The following FNDC1 variants were observed in gnomAD, a reference collection of about 807,000 sequenced individuals.
FNDC1 encodes the protein fibronectin type III domain-containing protein 1.
FNDC1 carries 96 observed loss-of-function variants against 168.0 expected under a neutral mutation model. The ratio of observed to expected loss-of-function variants is 0.57; its 90% CI spans 0.48 to 0.68. The LOEUF (loss-of-function observed/expected upper bound fraction) is 0.68. Ranked by LOEUF, FNDC1 falls within the 30% of genes least tolerant of loss-of-function variation. FNDC1 has a pLI of 0.00. For missense variants in FNDC1, 2,587 were observed against 2,482.1 expected, an observed-to-expected ratio of 1.04 and a Z score of -0.90; for synonymous variants, 1,099 against 1,025.9, an observed-to-expected ratio of 1.07 and a Z score of -1.36.
intron 1 of FNDC1, among the ~76,000 whole-genome samples, chr6:159,186,435 G>A (rs988752763): frequency 4.6e-5 from 7 of 152,172 alleles, no homozygotes; most frequent in South Asian, 2.1e-4. Context: ...TGCCCTCATC[G>A]TGCAATGGTG....
At chr6:159,211,583 C>A (rs994343591) in intron 4 of FNDC1, among the ~76,000 whole-genome samples, 2 of 151,832 alleles carry the variant, frequency 1.3e-5, no homozygotes, top group Non-Finnish European at 2.9e-5. Context: ...TTTTTTAGTG[C>A]CCCTGTATGC....
chr6:159,223,615 T>C lies in FNDC1; in HGVS notation c.854T>C (p.Leu285Pro). The change falls in exon 7 of 23, where the codon CTG (leucine) becomes CCG (proline). Residue 285 changes from leucine (L) to proline (P), a missense_variant. Transcript: ENST00000297267. ...CTTGTGTCCTGGGTGGATCCTGTTCTGGAAAAACAGAAGAAAGTTGTTGCA... is the reference window on the plus strand; with the variant it reads ...CTTGTGTCCTGGGTGGATCCTGTTCCGGAAAAACAGAAGAAAGTTGTTGCA... ...SVLVSWVDPV[L>P]EKQKKVVASR... 4 of 1,612,980 alleles carry C rather than the reference T, an allele frequency of 2.5e-6. 1 individual carries two copies. In the South Asian group the frequency reaches 4.4e-5, roughly 18 times the overall value.
chr6:159,191,395 T>C (rs1472542476), intron 1 of FNDC1, among the ~76,000 whole-genome samples: 7 of 152,368 alleles, frequency 4.6e-5, no homozygotes, highest in African/African-American at 1.7e-4. Flanking sequence ...AAATGGATTT[T>C]TAGTTACTTG....
chr6:159,213,224 T>A (rs1485746300), intron 4 of FNDC1, among the ~76,000 whole-genome samples: 1 of 152,158 alleles, frequency 6.6e-6, no homozygotes, highest in Admixed American at 6.5e-5. Flanking sequence ...AAAGCTGTTG[T>A]CCCTGCTGTT....
At chr6:159,264,036 G>A (rs568144049) in intron 19 of FNDC1, among the ~76,000 whole-genome samples, 1 of 152,348 alleles carries the variant, frequency 6.6e-6, no homozygotes, top group South Asian at 2.1e-4. Context: ...CTTAAGTGGT[G>A]TTACTTGGGC....
intron 21 of FNDC1, among the ~76,000 whole-genome samples, chr6:159,267,395 C>T (rs1054034863): frequency 1.3e-5 from 2 of 152,096 alleles, no homozygotes; most frequent in Admixed American, 6.6e-5. Flanking sequence ...GCCACAGGCC[C>T]GCCCCCTCCT....
At chr6:159,220,512 A>G (rs1469810460) in intron 5 of FNDC1, among the ~76,000 whole-genome samples, 1 of 152,188 alleles carries the variant, frequency 6.6e-6, no homozygotes, top group Non-Finnish European at 1.5e-5. Flanking sequence ...GCAATTTTGG[A>G]TTCAGGATAG....
At chr6:159,187,347 C>T (rs954611155) in intron 1 of FNDC1, among the ~76,000 whole-genome samples, 2 of 152,136 alleles carry the variant, frequency 1.3e-5, no homozygotes, top group African/African-American at 4.8e-5. Flanking sequence ...GTTCCTCTGA[C>T]CTGACAAAGC....
intron 18 of FNDC1, among the ~76,000 whole-genome samples, chr6:159,257,802 A>T (rs294887): frequency 6.6e-6 from 1 of 152,006 alleles, no homozygotes; most frequent in Non-Finnish European, 1.5e-5. Context: ...GAAACTGAGA[A>T]AGCACTTTTT....
At chr6:159,223,745 A>G (rs1451406198) in intron 7 of FNDC1, 100 bp downstream of exon 7, 2 of 681,296 alleles carry the variant, frequency 2.9e-6, no homozygotes, top group East Asian at 5.5e-5. Flanking sequence ...ACTTACATGA[A>G]TGCTGGTCTC....
In FNDC1 at chr6:159,271,594, A is replaced by C; in HGVS notation, c.*152A>C. On this transcript the variant is annotated 3_prime_UTR_variant, in exon 23 of 23. Transcript: ENST00000297267. Reference sequence around the variant, plus strand: ...GGACACTGGCCATTCTGGTCATCTCAGTCTGGAACTCAGTCCCACTTCTTG... The same window carrying C: ...GGACACTGGCCATTCTGGTCATCTCCGTCTGGAACTCAGTCCCACTTCTTG... 1 of 605,076 alleles carries C rather than the reference A, an allele frequency of 1.7e-6. No individual in the cohort carries two copies. The allele number at this position is 605,076 out of a possible 1,614,324, so 37.5% of individuals were successfully genotyped here.
chr6:159,230,135 A>G (rs146893088), intron 10 of FNDC1, 132 bp downstream of exon 10: 1 of 706,874 alleles, frequency 1.4e-6, no homozygotes, highest in East Asian at 2.9e-5. Context: ...TTGCATATTG[A>G]TTTTTAAAAT....
Position 159,232,300 on chromosome 6 carries a change from C to A in FNDC1, c.1788C>A (p.Gly596=). ...ARMPALPRRE[G]VDKPGFSLAT... is the part of the protein sequence containing the mutation. ...TGCCAGCGCTGCCCCGAAGGGAAGG[C>A]GTAGATAAGCCTGGCTTTTCCCTGG... is the stretch of plus-strand genomic sequence containing the variant. The change falls in exon 11 of 23, where the codon GGC becomes GGA. Residue 596 remains glycine (G), a synonymous_variant. Coordinates refer to ENST00000297267, the MANE Select transcript of FNDC1 (RefSeq NM_032532.3). The surrounding 1 kb of genome is among the most constrained non-coding windows in gnomAD (Gnocchi z 4.9). The A allele has an allele frequency of 6.2e-7, 1 of 1,612,266 alleles. No homozygotes were observed. The highest frequency in any genetic ancestry group is 8.5e-7 in the Non-Finnish European group (1 of 1,179,254).
chr6:159,250,043 T>G (rs917110353), intron 16 of FNDC1, among the ~76,000 whole-genome samples: 1 of 152,240 alleles, frequency 6.6e-6, no homozygotes, highest in Non-Finnish European at 1.5e-5. Context: ...GTTTACCACA[T>G]GCGCTGACTT....
chr6:159,254,878 A>G (rs1031313003), intron 17 of FNDC1, among the ~76,000 whole-genome samples: 1 of 152,062 alleles, frequency 6.6e-6, no homozygotes, highest in African/African-American at 2.4e-5. Context: ...TCTCACTTCT[A>G]TATTCAACTC....
intron 4 of FNDC1, among the ~76,000 whole-genome samples, chr6:159,213,261 C>T (rs1308490480): frequency 6.6e-6 from 1 of 152,164 alleles, no homozygotes; most frequent in Non-Finnish European, 1.5e-5. Flanking sequence ...GTTTAGTGAA[C>T]CTGGCATGGT....
At position 159,197,550 on chromosome 6, in the gene FNDC1, T is replaced by C; in HGVS notation, c.229T>C (p.Tyr77His). ...ACCTGTGGAGCATTACAACATTGCC[T>C]ATGGGAAGTCACTGAAAAGTCTTAA... Reference protein sequence around the residue: ...SRPVEHYNIAYGKSLKSLKYI... With the variant: ...SRPVEHYNIAHGKSLKSLKYI... Residue 77 changes from tyrosine (Y) to histidine (H), a missense_variant, in exon 2 of 23, where the codon TAT becomes CAT. Tyr to His is a moderately conservative substitution (Grantham distance 83). Coordinates refer to ENST00000297267, the MANE Select transcript of FNDC1 (RefSeq NM_032532.3). 1 of 1,614,020 alleles carries C rather than the reference T, an allele frequency of 6.2e-7. No homozygotes were observed. The highest frequency in any genetic ancestry group is 1.1e-5 in the South Asian group (1 of 91,080).
chr6:159,257,022 A>T (rs1170064763), intron 18 of FNDC1, among the ~76,000 whole-genome samples: 1 of 152,176 alleles, frequency 6.6e-6, no homozygotes, highest in Non-Finnish European at 1.5e-5. Flanking sequence ...TCGTTCCCAA[A>T]CTCTGTGACA....
Position 159,234,323 on chromosome 6 carries a change from C to T in FNDC1, c.3811C>T (p.Pro1271Ser). 1 of 1,610,082 alleles carries T rather than the reference C, an allele frequency of 6.2e-7. No individual in the cohort carries two copies. Among genetic ancestry groups the T allele is most frequent in the Non-Finnish European group, 8.5e-7 (1 of 1,178,326 alleles). Residue 1271 changes from proline (P) to serine (S), a missense_variant, in exon 11 of 23, where the codon CCC becomes TCC. Transcript: ENST00000297267. The part of the protein sequence containing the change: ...LPPRSAATVS[P>S]VAGTHPWPQY... ...GCCTCGCAGCGCTGCCACCGTGAGCCCCGTCGCGGGCACCCACCCCTGGCC... is the reference window on the plus strand; with the variant it reads ...GCCTCGCAGCGCTGCCACCGTGAGCTCCGTCGCGGGCACCCACCCCTGGCC...
Sources: allele counts gnomAD v4.1 joint callset (sites outside exome capture counted in the v4.1 genomes callset), GRCh38; gene constraint gnomAD v4.1.1; non-coding constraint Gnocchi (gnomAD v3.1); transcripts MANE v1.5; gene names NCBI Gene and HGNC (gene_info 2026-07-23, HGNC 2026-07-21).